Variants in DCAF5 observed in about 807,000 individuals in gnomAD.
DCAF5 encodes the protein DDB1- and CUL4-associated factor 5.
In DCAF5, 9 loss-of-function variants were observed where a neutral mutation model predicts 80.7. The ratio of observed to expected loss-of-function variants is 0.11; its 90% CI spans 0.07 to 0.19. The LOEUF (loss-of-function observed/expected upper bound fraction) is 0.19, where lower values mean the gene tolerates loss of function less well. DCAF5 is among the 10% of genes least tolerant of loss of function. The pLI, the probability that DCAF5 is intolerant of heterozygous loss-of-function variation, is 1.00. For missense variants in DCAF5, 842 were observed against 1,205.7 expected (o/e 0.70, Z 4.47); for synonymous variants, 433 against 461.9 (o/e 0.94, Z 0.80).
At chr14:69,144,380 G>A (rs2140121723) in intron 1 of DCAF5, among the ~76,000 whole-genome samples, 1 of 152,202 alleles carries the variant, frequency 6.6e-6, no homozygotes, top group South Asian at 2.1e-4. Flanking sequence ...AGACCATCCT[G>A]GCTAACACGG....
rs2037746531 is a variant in DCAF5 at position 69,051,149 on chromosome 14, G to A, written c.*2708C>T. The A allele has an allele frequency of 6.6e-6, 1 of 152,502 alleles. No homozygotes were observed. The highest frequency in any genetic ancestry group is 1.5e-5 in the Non-Finnish European group (1 of 68,036). 9.4% of individuals were successfully genotyped at this position (152,502 alleles called of 1,614,324 possible). A position where few individuals can be genotyped will look rare whatever the true frequency, so the allele number is the denominator to read the frequency against. On this transcript the variant is annotated 3_prime_UTR_variant, in exon 9 of 9. Coordinates refer to ENST00000341516, the MANE Select transcript of DCAF5 (RefSeq NM_003861.3). ...TTAACAAAACCAGCTGGAAAATAGA[G>A]AGAAATGATTTTACATATCTGGACC...
chr14:69,091,664 C>T lies in DCAF5; in HGVS notation c.879+10G>A. 4.3e-6 allele frequency: 7 copies of T among 1,610,906 alleles called. No homozygotes were observed. Among genetic ancestry groups the T allele is most frequent in the Non-Finnish European group, 4.2e-6 (5 of 1,177,194 alleles). ...ATAAGTGTGAGATGCAGGAGGCAGA[C>T]AGCATTTACCTGGTCACGATCTCCT... is the stretch of plus-strand genomic sequence containing the variant. On this transcript the variant is annotated intron_variant, in intron 6 of 8. Coordinates refer to ENST00000341516, the MANE Select transcript of DCAF5 (RefSeq NM_003861.3).
intron 1 of DCAF5, among the ~76,000 whole-genome samples, chr14:69,131,594 G>A (rs772960913): frequency 3.3e-5 from 5 of 152,042 alleles, no homozygotes; most frequent in Non-Finnish European, 5.9e-5. Context: ...TTCTAGACAC[G>A]TATCAGAGAG....
chr14:69,128,184 T>C (rs926548955), intron 1 of DCAF5, among the ~76,000 whole-genome samples: 1 of 150,020 alleles, frequency 6.7e-6, no homozygotes, highest in Admixed American at 6.7e-5. Context: ...TGAACAATTT[T>C]TTCTTCTTCT....
At position 69,116,328 on chromosome 14, in the gene DCAF5, G is replaced by A. The variant is rs1232637777; in HGVS notation, c.665+38C>T. The A allele has an allele frequency of 2.5e-6, 4 of 1,589,888 alleles. No individual in the cohort carries two copies. The Admixed American group carries it at 6.9e-5, about 27-fold the overall frequency. On this transcript the variant is annotated intron_variant, in intron 5 of 8. Transcript: ENST00000341516. Reference sequence around the variant, plus strand: ...GTCACATTACCTGAGAAATGAGGCAGAGGAAAGTTTTAACACCTATGAATA... The same window carrying A: ...GTCACATTACCTGAGAAATGAGGCAAAGGAAAGTTTTAACACCTATGAATA...
At chr14:69,088,196 C>T (rs374714987) in intron 6 of DCAF5, among the ~76,000 whole-genome samples, 10 of 152,178 alleles carry the variant, frequency 6.6e-5, no homozygotes, top group Admixed American at 2.6e-4. Flanking sequence ...TGCTCCTGTC[C>T]GCAACAAGTT....
At chr14:69,129,312 C>T (rs1427997074) in intron 1 of DCAF5, among the ~76,000 whole-genome samples, 1 of 152,192 alleles carries the variant, frequency 6.6e-6, no homozygotes, top group African/African-American at 2.4e-5. Flanking sequence ...CCCCCTTACT[C>T]CACTCAACCC....
At chr14:69,115,628 C>G (rs1037898235) in intron 5 of DCAF5, among the ~76,000 whole-genome samples, 1 of 152,140 alleles carries the variant, frequency 6.6e-6, no homozygotes, top group African/African-American at 2.4e-5. Flanking sequence ...TAGTCCCTCC[C>G]CCATGGGACT....
intron 6 of DCAF5, chr14:69,084,973 CAGA>C (rs2039261421): frequency 7.1e-7 from 1 of 1,418,232 alleles, no homozygotes; most frequent in Non-Finnish European, 9.9e-7. Flanking sequence ...ATTTTGCACC[CAGA>C]AGAATTGGGT....
At chr14:69,084,952 AT>A (rs2139942170) in intron 6 of DCAF5, 1 of 1,424,806 alleles carries the variant, frequency 7.0e-7, no homozygotes, top group South Asian at 1.1e-5. Flanking sequence ...GGGAGAAGGC[AT>A]GCCTTGCTCA....
rs1393114971 is a variant in DCAF5 at position 69,081,449 on chromosome 14, T to C, written c.880-6038A>G. On this transcript the variant is annotated intron_variant, in intron 6 of 8. Transcript: ENST00000341516. Reference sequence around the variant, plus strand: ...ACATTCTGATTCACCTCACTTTTCATTCATTCTGTGGTCCAAGAGGGCAAG... The same window carrying C: ...ACATTCTGATTCACCTCACTTTTCACTCATTCTGTGGTCCAAGAGGGCAAG... Among the ~76,000 whole-genome samples, 7 of 152,208 alleles carry C rather than the reference T, an allele frequency of 4.6e-5. No homozygotes were observed. In the South Asian group the frequency reaches 6.2e-4, roughly 14 times the overall value.
intron 5 of DCAF5, among the ~76,000 whole-genome samples, chr14:69,110,497 T>C (rs936427540): frequency 6.6e-6 from 1 of 152,020 alleles, no homozygotes; most frequent in African/African-American, 2.4e-5. Flanking sequence ...CTCAAACTCC[T>C]GACCTTGTGA....
rs2037796857 is a variant in DCAF5, at chr14:69,052,574, ATC to A, written c.*1281_*1282del. 2 of 152,588 alleles carry A rather than the reference ATC, an allele frequency of 1.3e-5. No individual in the cohort carries two copies. The highest frequency in any genetic ancestry group is 4.8e-5 in the African/African-American group (2 of 41,420). The allele number at this position is 152,588 out of a possible 1,614,324, so 9.5% of individuals were successfully genotyped here. On this transcript the variant is annotated 3_prime_UTR_variant, in exon 9 of 9. Transcript: ENST00000341516. ...TAACCGAGTGACTGCAACGCTGAAAATCTGTTGCTCTTTTCTCTTCTAAACCT... is the reference window on the plus strand; with the variant it reads ...TAACCGAGTGACTGCAACGCTGAAAATGTTGCTCTTTTCTCTTCTAAACCT...
intron 7 of DCAF5, 139 bp from the exon 8 acceptor site, chr14:69,062,650 A>T (rs2038262598): frequency 1.1e-6 from 1 of 886,118 alleles, no homozygotes; most frequent in East Asian, 2.6e-5. Flanking sequence ...AATCTTACAG[A>T]TAAGTTGCTA....
intron 1 of DCAF5, 124 bp from the exon 2 acceptor site, chr14:69,122,484 T>C: frequency 2.9e-6 from 3 of 1,029,816 alleles, no homozygotes; most frequent in Non-Finnish European, 4.2e-6. Context: ...AAGATTCGCA[T>C]GGAGCACAAA....
intron 8 of DCAF5, among the ~76,000 whole-genome samples, chr14:69,056,305 A>ATAGGAG (rs1334373553): frequency 6.6e-6 from 1 of 152,176 alleles, no homozygotes; most frequent in African/African-American, 2.4e-5. Flanking sequence ...TCTGTTAGCT[A>ATAGGAG]TAGGAGTAGG....
chr14:69,068,575 G>A (rs1456556571), intron 7 of DCAF5, among the ~76,000 whole-genome samples: 4 of 151,940 alleles, frequency 2.6e-5, no homozygotes, highest in Middle Eastern at 3.4e-3. Context: ...GCACATGCCC[G>A]TAATCCCAGC....
At chr14:69,122,191 T>G in intron 2 of DCAF5, 26 bp downstream of exon 2, 1 of 1,605,560 alleles carries the variant, frequency 6.2e-7, no homozygotes, top group Non-Finnish European at 8.5e-7. Context: ...ACAGTGACGT[T>G]CCCAAGGTAG....
At chr14:69,111,417 G>A (rs934919759) in intron 5 of DCAF5, among the ~76,000 whole-genome samples, 3 of 152,068 alleles carry the variant, frequency 2.0e-5, no homozygotes, top group Admixed American at 1.3e-4. Context: ...AGGGATTCTC[G>A]GCTTGCCCCA....
Sources: gnomAD v4.1 joint callset for allele counts (sites outside exome capture counted in the v4.1 genomes callset) on GRCh38, gnomAD v4.1.1 for gene constraint, MANE v1.5 for transcripts, NCBI Gene and HGNC (gene_info 2026-07-23, HGNC 2026-07-21) for gene names.